Variants in SPATS2L observed in about 807,000 individuals in gnomAD.
SPATS2L encodes SPATS2-like protein.
SPATS2L carries 30 observed loss-of-function variants against 59.6 expected under a neutral mutation model. The observed-to-expected ratio is 0.50, with a 90% CI of 0.38 to 0.68. The LOEUF (loss-of-function observed/expected upper bound fraction) is 0.68, where lower values mean the gene tolerates loss of function less well. SPATS2L is among the 30% of genes least tolerant of loss of function. The probability of loss-of-function intolerance (pLI) is 0.00; values close to 1 mark genes in which losing one functional copy is unlikely to be tolerated. For synonymous variants in SPATS2L, 252 were observed against 263.5 expected, an observed-to-expected ratio of 0.96 and a Z score of 0.42; for missense variants, 615 against 700.0, an observed-to-expected ratio of 0.88 and a Z score of 1.37.
intron 8 of SPATS2L, among the ~76,000 whole-genome samples, chr2:200,442,611 T>C (rs561016953): frequency 6.6e-6 from 1 of 152,364 alleles, no homozygotes; most frequent in South Asian, 2.1e-4. Flanking sequence ...TGTGATACCT[T>C]CCATCTGAGT....
intron 8 of SPATS2L, among the ~76,000 whole-genome samples, chr2:200,448,239 A>T (rs1361846582): frequency 1.3e-5 from 2 of 152,100 alleles, no homozygotes; most frequent in Non-Finnish European, 2.9e-5. Flanking sequence ...GTCAGGAGTT[A>T]GAGACCAGCC....
intron 2 of SPATS2L, among the ~76,000 whole-genome samples, chr2:200,375,787 T>G (rs999709177): frequency 2.0e-5 from 3 of 152,004 alleles, no homozygotes; most frequent in Non-Finnish European, 4.4e-5. Flanking sequence ...CAACCACACC[T>G]GGCTAATTTT....
chr2:200,374,742 A>T (rs2081542369), intron 2 of SPATS2L, among the ~76,000 whole-genome samples: 1 of 152,230 alleles, frequency 6.6e-6, no homozygotes, highest in South Asian at 2.1e-4. Flanking sequence ...AATGGAACCA[A>T]AGCTGTGAGA....
rs545315204 is a variant in SPATS2L at position 200,346,044 on chromosome 2, G to T, written c.-23+16564G>T. Among the ~76,000 whole-genome samples the T allele has an allele frequency of 4.8e-4, 73 of 152,296 alleles. 1 individual carries two copies. The highest frequency in any genetic ancestry group is 9.9e-4 in the Non-Finnish European group (67 of 68,018). ...TGTCTGTCTACAAACCCTGGACCTG[G>T]TTTAGTTCAGTGAGGCAAGATGCCG... On this transcript the variant is annotated intron_variant, in intron 2 of 12. Coordinates refer to ENST00000409140, the MANE Select transcript of SPATS2L (RefSeq NM_001100423.2).
intron 6 of SPATS2L, among the ~76,000 whole-genome samples, chr2:200,438,740 A>G (rs2084477328): frequency 6.6e-6 from 1 of 152,208 alleles, no homozygotes; most frequent in African/African-American, 2.4e-5. Context: ...TAGCCTCAAT[A>G]TGAAATTGTA....
chr2:200,457,786 G>T (rs969760892), intron 8 of SPATS2L, among the ~76,000 whole-genome samples: 1 of 152,212 alleles, frequency 6.6e-6, no homozygotes, highest in South Asian at 2.1e-4. Context: ...AAGTATTTAG[G>T]TTGCACAGTC....
chr2:200,336,259 A>G (rs1485427542), intron 2 of SPATS2L, among the ~76,000 whole-genome samples: 1 of 152,238 alleles, frequency 6.6e-6, no homozygotes, highest in Non-Finnish European at 1.5e-5. Flanking sequence ...TAAGGGATTT[A>G]TATTCACCTT....
At chr2:200,327,632 C>T (rs2079796912) in intron 1 of SPATS2L, among the ~76,000 whole-genome samples, 1 of 152,178 alleles carries the variant, frequency 6.6e-6, no homozygotes, top group Non-Finnish European at 1.5e-5. Flanking sequence ...ACAATGTTTG[C>T]CTTTTGTGGG....
chr2:200,390,187 A>G (rs1306065317), intron 3 of SPATS2L: 1 of 152,188 alleles, frequency 6.6e-6, no homozygotes, highest in African/African-American at 2.4e-5. Flanking sequence ...CCAAAAATAG[A>G]GTGAAGGATG....
Position 200,389,210 on chromosome 2 carries a change from T to A in SPATS2L, c.-22-13T>A, listed in dbSNP as rs1365169469. 1 of 1,529,878 alleles carries A rather than the reference T, an allele frequency of 6.5e-7. No individual in the cohort carries two copies. Among genetic ancestry groups the A allele is most frequent in the Non-Finnish European group, 8.9e-7 (1 of 1,125,174 alleles). 94.8% of individuals were successfully genotyped at this position (1,529,878 alleles called of 1,614,324 possible). On this transcript the variant is annotated splice_polypyrimidine_tract_variant and intron_variant, in intron 2 of 12. Coordinates refer to ENST00000409140, the MANE Select transcript of SPATS2L (RefSeq NM_001100423.2). ...TCAATTTTAAAACTTAATCTTGTTTTCCTTCTTTATAGGGCCTATTCCACT... is the reference window on the plus strand; with the variant it reads ...TCAATTTTAAAACTTAATCTTGTTTACCTTCTTTATAGGGCCTATTCCACT...
At chr2:200,344,521 G>A (rs141026811) in intron 2 of SPATS2L, among the ~76,000 whole-genome samples, 31 of 152,216 alleles carry the variant, frequency 2.0e-4, no homozygotes, top group Non-Finnish European at 3.2e-4. Context: ...GAATAATGCC[G>A]CAGTGAACAT....
At chr2:200,318,161 T>A (rs948993846) in intron 1 of SPATS2L, among the ~76,000 whole-genome samples, 2 of 152,236 alleles carry the variant, frequency 1.3e-5, no homozygotes, top group African/African-American at 4.8e-5. Context: ...AAGTGTTTAT[T>A]GTAGGAATGT....
chr2:200,445,386 C>T (rs1221312834), intron 8 of SPATS2L, among the ~76,000 whole-genome samples: 1 of 152,198 alleles, frequency 6.6e-6, no homozygotes, highest in Non-Finnish European at 1.5e-5. Context: ...TAAGTTTTAT[C>T]TTTCTCATCC....
intron 2 of SPATS2L, among the ~76,000 whole-genome samples, chr2:200,349,271 A>C (rs948999115): frequency 2.6e-5 from 4 of 152,122 alleles, no homozygotes; most frequent in African/African-American, 9.7e-5. Context: ...CTAGGGTCAT[A>C]AGCCTCCAGT....
intron 9 of SPATS2L, among the ~76,000 whole-genome samples, chr2:200,464,036 A>G (rs1019073570): frequency 6.6e-6 from 1 of 152,250 alleles, no homozygotes; most frequent in Non-Finnish European, 1.5e-5. Flanking sequence ...CTGTTTATAC[A>G]TACATAATAT....
At chr2:200,359,577 G>A (rs1277211191) in intron 2 of SPATS2L, among the ~76,000 whole-genome samples, 1 of 152,128 alleles carries the variant, frequency 6.6e-6, no homozygotes, top group Admixed American at 6.5e-5. Flanking sequence ...ATATATTGGC[G>A]CTCAAGTCAG....
At chr2:200,461,559 G>A in intron 9 of SPATS2L, among the ~76,000 whole-genome samples, 1 of 152,098 alleles carries the variant, frequency 6.6e-6, no homozygotes, top group East Asian at 1.9e-4. Flanking sequence ...GTGTTAATGG[G>A]GCCCCTAAGA....
In SPATS2L at chr2:200,472,386, A is replaced by G. The variant is rs772482704; in HGVS notation, c.1061-446A>G. Among the ~76,000 whole-genome samples, 15 of 152,290 alleles carry G rather than the reference A, an allele frequency of 9.8e-5. No homozygotes were observed. The South Asian group carries it at 1.2e-3, about 13-fold the overall frequency. On this transcript the variant is annotated intron_variant, in intron 11 of 12. Transcript: ENST00000409140. ...GGCCAGAGTGTCCGCATAGCTCCCA[A>G]TCTTTCTGTGTCTGCAGTACCAGTT... is the stretch of plus-strand genomic sequence containing the variant.
intron 2 of SPATS2L, among the ~76,000 whole-genome samples, chr2:200,344,651 T>C (rs1441384868): frequency 1.3e-5 from 2 of 152,206 alleles, no homozygotes; most frequent in East Asian, 3.8e-4. Context: ...GTCACACTGC[T>C]TTCCACAATG....
Sources: gnomAD v4.1 joint callset for allele counts (sites outside exome capture counted in the v4.1 genomes callset) on GRCh38, gnomAD v4.1.1 for gene constraint, MANE v1.5 for transcripts, NCBI Gene and HGNC (gene_info 2026-07-23, HGNC 2026-07-21) for gene names.